The following ZNF20 variants were observed in gnomAD, a reference collection of about 807,000 sequenced individuals.
The protein encoded by ZNF20 is zinc finger protein KOX13.
Under a neutral mutation model 11.0 loss-of-function variants are expected in ZNF20, and 9 were observed. That is an observed-to-expected ratio of 0.82 (90% CI 0.49 to 1.43). ZNF20 has a LOEUF of 1.43. Ranked by LOEUF, ZNF20 falls within the 40% of genes most tolerant of loss-of-function variation. ZNF20 has a pLI of 0.00. For missense variants in ZNF20, 528 were observed against 640.8 expected, an observed-to-expected ratio of 0.82 and a Z score of 1.90; for synonymous variants, 182 against 213.0, an observed-to-expected ratio of 0.85 and a Z score of 1.27.
At position 12,135,569 on chromosome 19, in the gene ZNF20, C is replaced by T; in HGVS notation, c.140-9G>A. 6.2e-7 allele frequency: 1 copy of T among 1,612,278 alleles called. No homozygotes were observed. Among genetic ancestry groups the T allele is most frequent in the South Asian group, 1.1e-5 (1 of 90,448 alleles). Reference sequence around the variant, plus strand: ...AACTTTCCATGTTTTTCCTAAAACACAGACCCGGAGAAAACACAGATCCAG... The same window carrying T: ...AACTTTCCATGTTTTTCCTAAAACATAGACCCGGAGAAAACACAGATCCAG... On this transcript the variant is annotated splice_polypyrimidine_tract_variant and intron_variant, in intron 2 of 3. Transcript: ENST00000334213.
chr19:12,132,349 A>T lies in ZNF20; in HGVS notation c.*238T>A. 2.1e-6 allele frequency: 1 copy of T among 479,058 alleles called. No individual in the cohort carries two copies. Among genetic ancestry groups the T allele is most frequent in the Non-Finnish European group, 3.6e-6 (1 of 275,312 alleles). The allele number at this position is 479,058 out of a possible 1,614,324, so 29.7% of individuals were successfully genotyped here. A position where few individuals can be genotyped will look rare whatever the true frequency, so the allele number is the denominator to read the frequency against. On this transcript the variant is annotated 3_prime_UTR_variant, in exon 4 of 4. Coordinates refer to ENST00000334213, the MANE Select transcript of ZNF20 (RefSeq NM_021143.4). ...ACCTCTCTCCCTGTGTGGGGCCTCT[A>T]ATATGTGACTGATGCCTTCCTTTTC...
chr19:12,136,194 T>C (rs1001928631), intron 1 of ZNF20, among the ~76,000 whole-genome samples: 10 of 151,304 alleles, frequency 6.6e-5, no homozygotes, highest in African/African-American at 2.4e-4. Flanking sequence ...CTGGCCAACA[T>C]GGAGAAACCC....
intron 1 of ZNF20, among the ~76,000 whole-genome samples, chr19:12,136,269 G>A (rs1288784733): frequency 2.0e-5 from 3 of 152,120 alleles, no homozygotes; most frequent in Non-Finnish European, 2.9e-5. Context: ...CCAGCTACTC[G>A]GGAGGCTGAG....
rs937942973 is a variant in ZNF20, at chr19:12,131,355, C to A, written c.*1232G>T. The A allele has an allele frequency of 6.6e-6, 1 of 152,068 alleles. No homozygotes were observed. The highest frequency in any genetic ancestry group is 1.5e-5 in the Non-Finnish European group (1 of 68,010). The allele number at this position is 152,068 out of a possible 1,614,324, so 9.4% of individuals were successfully genotyped here. ...AATTGCAAACATACCCCAAATTTTT[C>A]TCTTCTCACGAAATGTGACTATCTT... On this transcript the variant is annotated 3_prime_UTR_variant, in exon 4 of 4. Transcript: ENST00000334213.
At chr19:12,135,187 T>G (rs1455423129) in intron 3 of ZNF20, among the ~76,000 whole-genome samples, 1 of 151,202 alleles carries the variant, frequency 6.6e-6, no homozygotes, top group Non-Finnish European at 1.5e-5. Context: ...TCACCCAGGC[T>G]GGAGTGCAGT....
At position 12,132,417 on chromosome 19, in the gene ZNF20, G is replaced by T; in HGVS notation, c.*170C>A. On this transcript the variant is annotated 3_prime_UTR_variant, in exon 4 of 4. Coordinates refer to ENST00000334213, the MANE Select transcript of ZNF20 (RefSeq NM_021143.4). ...ATGCAAGATTGGCTATAGGTGAATTGTATTACGAAACCATCCAAGTTCTTC... is the reference window on the plus strand; with the variant it reads ...ATGCAAGATTGGCTATAGGTGAATTTTATTACGAAACCATCCAAGTTCTTC... The T allele has an allele frequency of 1.5e-6, 1 of 672,856 alleles. No individual in the cohort carries two copies. The highest frequency in any genetic ancestry group is 2.8e-5 in the East Asian group (1 of 36,050). 41.7% of individuals were successfully genotyped at this position (672,856 alleles called of 1,614,324 possible).
intron 1 of ZNF20, 116 bp from the exon 2 acceptor site, chr19:12,136,020 C>T (rs1276966326): frequency 7.5e-7 from 1 of 1,324,774 alleles, no homozygotes; most frequent in African/African-American, 1.5e-5. Context: ...ACTTGGTCAT[C>T]ACACCTCTTA....
chr19:12,136,874 T>A (rs1976720471), intron 1 of ZNF20: 1 of 445,122 alleles, frequency 2.2e-6, no homozygotes, highest in South Asian at 1.6e-5. Context: ...GACAGATGGT[T>A]ACCTACAGGA....
rs568925811 is a variant in ZNF20, at chr19:12,133,506, T to C, written c.680A>G (p.Tyr227Cys). The C allele has an allele frequency of 2.2e-5, 35 of 1,614,236 alleles. No individual in the cohort carries two copies. The East Asian group carries it at 2.9e-4, about 13-fold the overall frequency. Reference protein sequence around the residue: ...HERIHTGVKPYKCKQCGKAFT... With the variant: ...HERIHTGVKPCKCKQCGKAFT... ...GGCCTTACCACATTGTTTACACTTA[T>C]ATGGTTTCACACCAGTGTGAATTCG... The change falls in exon 4 of 4, where the codon TAT (tyrosine) becomes TGT (cysteine). Residue 227 changes from tyrosine to cysteine, a missense_variant. Transcript: ENST00000334213.
rs1176379492 is a variant in ZNF20, at chr19:12,139,183, G to A, written c.3+997C>T. 3.3e-5 allele frequency among the ~76,000 whole-genome samples: 5 copies of A among 152,222 alleles called. No individual in the cohort carries two copies. The highest frequency in any genetic ancestry group is 2.1e-4 in the South Asian group (1 of 4,828). ...AAAGGAAATACCTACTCCATAGGGC[G>A]TAAGCCAAGTAAATGATTTTATAAC... On this transcript the variant is annotated intron_variant, in intron 1 of 3. Transcript: ENST00000334213. The surrounding 1 kb of genome is among the most constrained non-coding windows in gnomAD (Gnocchi z 4.0).
Position 12,132,625 on chromosome 19 carries a change from A to G in ZNF20, c.1561T>C (p.Cys521Arg). Residue 521 changes from cysteine (C) to arginine (R), a missense_variant, in exon 4 of 4, where the codon TGT (cysteine) becomes CGT (arginine). Coordinates refer to ENST00000334213, the MANE Select transcript of ZNF20 (RefSeq NM_021143.4). ...CGKAFIRASS[C>R]REHERTHTIN... is the part of the protein sequence containing the mutation. Reference sequence around the variant, plus strand: ...GTATGAGTTCTTTCATGTTCTCGACATGAACTGGCACGAATAAAGGCTTTG... The same window carrying G: ...GTATGAGTTCTTTCATGTTCTCGACGTGAACTGGCACGAATAAAGGCTTTG... 1 of 1,607,942 alleles carries G rather than the reference A, an allele frequency of 6.2e-7. No individual in the cohort carries two copies. The highest frequency in any genetic ancestry group is 8.5e-7 in the Non-Finnish European group (1 of 1,177,994).
In ZNF20 at chr19:12,132,462, G is replaced by T; in HGVS notation, c.*125C>A. 2.1e-6 allele frequency: 2 copies of T among 957,986 alleles called. No homozygotes were observed. The highest frequency in any genetic ancestry group is 3.1e-6 in the Non-Finnish European group (2 of 644,802). The allele number at this position is 957,986 out of a possible 1,614,324, so 59.3% of individuals were successfully genotyped here. On this transcript the variant is annotated 3_prime_UTR_variant, in exon 4 of 4. Coordinates refer to ENST00000334213, the MANE Select transcript of ZNF20 (RefSeq NM_021143.4). ...TTCTTCTAGATTTTATTGTCCTATC[G>T]CAAGTCTCTCTTCTCAATTCAAAAA...
rs1330567964 is a variant in ZNF20 at position 12,133,853 on chromosome 19, T to C, written c.333A>G (p.Gly111=). The C allele has an allele frequency of 1.9e-6, 3 of 1,614,100 alleles. No homozygotes were observed. The African/African-American group carries it at 4.0e-5, about 22-fold the overall frequency. The stretch of plus-strand genomic sequence containing the variant: ...GAGATGAATGACCCGTGCCAACTTC[T>C]CCACACACACTGCTTTCACATGGTG... The part of the protein sequence containing the change: ...GITPCESSVC[G]EVGTGHSSLN... The change falls in exon 4 of 4, where the codon GGA becomes GGG. Residue 111 remains glycine (G), a synonymous_variant. Transcript: ENST00000334213.
At chr19:12,136,588 G>A (rs1976715334) in intron 1 of ZNF20, among the ~76,000 whole-genome samples, 1 of 151,920 alleles carries the variant, frequency 6.6e-6, no homozygotes, top group Non-Finnish European at 1.5e-5. Context: ...TTGGGAGGCT[G>A]AGGCAGGAGA....
chr19:12,131,881 A>C lies in ZNF20; in HGVS notation c.*706T>G, dbSNP rs1466794916. 6.6e-6 allele frequency: 1 copy of C among 152,246 alleles called. No individual in the cohort carries two copies. The highest frequency in any genetic ancestry group is 1.5e-5 in the Non-Finnish European group (1 of 68,048). 9.4% of individuals were successfully genotyped at this position (152,246 alleles called of 1,614,324 possible). On this transcript the variant is annotated 3_prime_UTR_variant, in exon 4 of 4. Transcript: ENST00000334213. ...AAAAACGAAGTGAGACATTACATTC[A>C]GTTGTGAATAACAGCAAATGCTTGA...
Position 12,132,457 on chromosome 19 carries a change from C to CT in ZNF20, c.*129dup, listed in dbSNP as rs1976637544. 2.2e-6 allele frequency: 2 copies of CT among 903,340 alleles called. No homozygotes were observed. Among genetic ancestry groups the CT allele is most frequent in the African/African-American group, 1.7e-5 (1 of 60,104 alleles). The allele number at this position is 903,340 out of a possible 1,614,324, so 56.0% of individuals were successfully genotyped here. On this transcript the variant is annotated 3_prime_UTR_variant, in exon 4 of 4. Transcript: ENST00000334213. ...CCAAGTTCTTCTAGATTTTATTGTC[C>CT]TATCGCAAGTCTCTCTTCTCAATTC...
rs764259689 is a variant in ZNF20 at position 12,133,461 on chromosome 19, A to C, written c.725T>G (p.Leu242Arg). Residue 242 changes from leucine (L) to arginine (R), a missense_variant, in exon 4 of 4, where the codon CTT becomes CGT. Transcript: ENST00000334213. The stretch of plus-strand genomic sequence containing the variant: ...TGTGTGAGTTCTTTCATGTACTGGA[A>C]GGGTAGTGGAACGAGTAAAGGCCTT... Reference protein sequence around the residue: ...CGKAFTRSTTLPVHERTHTGV... With the variant: ...CGKAFTRSTTRPVHERTHTGV... 3 of 1,614,144 alleles carry C rather than the reference A, an allele frequency of 1.9e-6. No homozygotes were observed. The East Asian group carries it at 6.7e-5, about 36-fold the overall frequency.
Position 12,132,324 on chromosome 19 carries a change from A to G in ZNF20, c.*263T>C. 1 of 400,330 alleles carries G rather than the reference A, an allele frequency of 2.5e-6. No homozygotes were observed. Among genetic ancestry groups the G allele is most frequent in the Non-Finnish European group, 4.4e-6 (1 of 226,444 alleles). The allele number at this position is 400,330 out of a possible 1,614,324, so 24.8% of individuals were successfully genotyped here. A position where few individuals can be genotyped will look rare whatever the true frequency, so the allele number is the denominator to read the frequency against. The stretch of plus-strand genomic sequence containing the variant: ...ATGGGCTGGAAGCGGGTAGCCACAC[A>G]CCTCTCTCCCTGTGTGGGGCCTCTA... On this transcript the variant is annotated 3_prime_UTR_variant, in exon 4 of 4. Transcript: ENST00000334213.
Position 12,133,857 on chromosome 19 carries a change from C to A in ZNF20, c.329G>T (p.Cys110Phe), listed in dbSNP as rs749592114. The part of the protein sequence containing the change: ...PGITPCESSV[C>F]GEVGTGHSSL... ...TGAATGACCCGTGCCAACTTCTCCA[C>A]ACACACTGCTTTCACATGGTGTTAT... is the stretch of plus-strand genomic sequence containing the variant. Residue 110 changes from cysteine (C) to phenylalanine (F), a missense_variant, in exon 4 of 4, where the codon TGT becomes TTT. Coordinates refer to ENST00000334213, the MANE Select transcript of ZNF20 (RefSeq NM_021143.4). 7 of 1,614,120 alleles carry A rather than the reference C, an allele frequency of 4.3e-6. No individual in the cohort carries two copies. In the African/African-American group the frequency reaches 5.3e-5, roughly 12 times the overall value.
Sources: allele counts gnomAD v4.1 joint callset (sites outside exome capture counted in the v4.1 genomes callset), GRCh38; gene constraint gnomAD v4.1.1; non-coding constraint Gnocchi (gnomAD v3.1); transcripts MANE v1.5; gene names NCBI Gene and HGNC (gene_info 2026-07-23, HGNC 2026-07-21).